Variants in SYNGR1 observed in about 807,000 individuals in gnomAD.
SYNGR1 encodes synaptogyrin 1.
In SYNGR1, 14 loss-of-function variants were observed where a neutral mutation model predicts 26.1. The observed-to-expected ratio is 0.54, with a 90% CI of 0.35 to 0.84. The LOEUF (loss-of-function observed/expected upper bound fraction) is 0.84. SYNGR1 is among the 40% of genes least tolerant of loss of function. The pLI, the probability that SYNGR1 is intolerant of heterozygous loss-of-function variation, is 0.01. For missense variants in SYNGR1, 319 were observed against 332.9 expected, an observed-to-expected ratio of 0.96 and a Z score of 0.33; for synonymous variants, 141 against 150.1, an observed-to-expected ratio of 0.94 and a Z score of 0.44.
At chr22:39,380,746 G>A (rs552730280) in intron 3 of SYNGR1, among the ~76,000 whole-genome samples, 1 of 148,092 alleles carries the variant, frequency 6.8e-6, no homozygotes, top group African/African-American at 2.5e-5. Flanking sequence ...TGCACCTCCC[G>A]AGTAGCTGGG....
intron 1 of SYNGR1, among the ~76,000 whole-genome samples, chr22:39,351,041 G>A (rs1923884412): frequency 6.6e-6 from 1 of 152,208 alleles, no homozygotes; most frequent in South Asian, 2.1e-4. Context: ...AGCACAGAGG[G>A]AGGGGTTCAG....
In SYNGR1 at chr22:39,376,956, C is replaced by A. The variant is rs1925310815; in HGVS notation, c.483+759C>A. 24 of 1,548,650 alleles carry A rather than the reference C, an allele frequency of 1.5e-5. No homozygotes were observed. In the South Asian group the frequency reaches 2.9e-4, roughly 18 times the overall value. Reference sequence around the variant, plus strand: ...CCCTGGGCTGGCAGCTCGGCTGGCCCCTCTTTCCCACTGGTCTGGGTCATG... The same window carrying A: ...CCCTGGGCTGGCAGCTCGGCTGGCCACTCTTTCCCACTGGTCTGGGTCATG... On this transcript the variant is annotated intron_variant, in intron 3 of 3. Transcript: ENST00000328933.
In SYNGR1 at chr22:39,384,278, C is replaced by T. The variant is rs1469689573; in HGVS notation, c.*2364C>T. ...CAGCCAGCTGCTGGTGATCCTCAGCCGGAGGGCAGGGTACCAGGTAAGCTT... is the reference window on the plus strand; with the variant it reads ...CAGCCAGCTGCTGGTGATCCTCAGCTGGAGGGCAGGGTACCAGGTAAGCTT... On this transcript the variant is annotated 3_prime_UTR_variant, in exon 4 of 4. Transcript: ENST00000328933. 14 of 369,020 alleles carry T rather than the reference C, an allele frequency of 3.8e-5. No homozygotes were observed. The highest frequency in any genetic ancestry group is 4.8e-5 in the Non-Finnish European group (10 of 207,376). 22.9% of individuals were successfully genotyped at this position (369,020 alleles called of 1,614,324 possible).
At chr22:39,378,017 C>T (rs567383497) in intron 3 of SYNGR1, 18 of 1,203,892 alleles carry the variant, frequency 1.5e-5, no homozygotes, top group Middle Eastern at 3.7e-4. Context: ...AATGGACAGC[C>T]GTGGACAGTT....
intron 3 of SYNGR1, chr22:39,377,402 G>C: frequency 1.0e-6 from 1 of 985,434 alleles, no homozygotes; most frequent in Non-Finnish European, 1.2e-6. Context: ...CAGAGAAGGT[G>C]CCCCAGAAGT....
rs993453169 is a variant in SYNGR1 at position 39,385,258 on chromosome 22, G to A, written c.*3344G>A. 4 of 358,800 alleles carry A rather than the reference G, an allele frequency of 1.1e-5. No homozygotes were observed. Among genetic ancestry groups the A allele is most frequent in the Non-Finnish European group, 2.0e-5 (4 of 201,374 alleles). The allele number at this position is 358,800 out of a possible 1,614,324, so 22.2% of individuals were successfully genotyped here. A position where few individuals can be genotyped will look rare whatever the true frequency, so the allele number is the denominator to read the frequency against. On this transcript the variant is annotated 3_prime_UTR_variant, in exon 4 of 4. Coordinates refer to ENST00000328933, the MANE Select transcript of SYNGR1 (RefSeq NM_004711.5). ...CCTGACACTCCCCATGTCCTGGTGC[G>A]CACAGCCCTTGTCGGTGCCCCGGCC...
At chr22:39,365,898 A>G (rs1924728046) in intron 1 of SYNGR1, among the ~76,000 whole-genome samples, 1 of 147,254 alleles carries the variant, frequency 6.8e-6, no homozygotes, top group South Asian at 2.1e-4. Context: ...GGATTTCATC[A>G]TGTTGGTCAG....
chr22:39,361,998 G>A (rs1924495932), intron 1 of SYNGR1, among the ~76,000 whole-genome samples: 1 of 144,306 alleles, frequency 6.9e-6, no homozygotes, highest in Non-Finnish European at 1.5e-5. Flanking sequence ...CTGGGTCTTT[G>A]TTTCCTCCTT....
Position 39,373,550 on chromosome 22 carries a change from A to G in SYNGR1, c.100-766A>G, listed in dbSNP as rs866918472. On this transcript the variant is annotated intron_variant, in intron 1 of 3. Coordinates refer to ENST00000328933, the MANE Select transcript of SYNGR1 (RefSeq NM_004711.5). Reference sequence around the variant, plus strand: ...CAGGCTGGAGTGCAGTGGCATGATCACGGTTCACTACAACCTCCACCTCCT... The same window carrying G: ...CAGGCTGGAGTGCAGTGGCATGATCGCGGTTCACTACAACCTCCACCTCCT... 3.2e-4 allele frequency among the ~76,000 whole-genome samples: 49 copies of G among 151,912 alleles called. No homozygotes were observed. The Middle Eastern group carries it at 0.01, about 32-fold the overall frequency.
rs545758176 is a variant in SYNGR1 at position 39,351,197 on chromosome 22, G to T, written c.99+1088G>T. Among the ~76,000 whole-genome samples, 184 of 152,318 alleles carry T rather than the reference G, an allele frequency of 1.2e-3. 4 individuals carry two copies. In the South Asian group the frequency reaches 0.037, roughly 31 times the overall value. On this transcript the variant is annotated intron_variant, in intron 1 of 3. Transcript: ENST00000328933. ...CAGGCCTGGGGCCCGTTCCTTGTGGGCTTAGACTAGGAATGGGCTAGACTG... is the reference window on the plus strand; with the variant it reads ...CAGGCCTGGGGCCCGTTCCTTGTGGTCTTAGACTAGGAATGGGCTAGACTG...
intron 1 of SYNGR1, among the ~76,000 whole-genome samples, chr22:39,362,625 C>T (rs968177388): frequency 1.2e-4 from 18 of 152,292 alleles, no homozygotes; most frequent in Admixed American, 1.0e-3. Flanking sequence ...AAAGTGTGAC[C>T]GCTCCCTTCT....
At chr22:39,378,644 T>C (rs932345626) in intron 3 of SYNGR1, among the ~76,000 whole-genome samples, 2 of 152,136 alleles carry the variant, frequency 1.3e-5, no homozygotes, top group Non-Finnish European at 2.9e-5. Flanking sequence ...CCTGAGCACA[T>C]CGAGAGTGAG....
intron 1 of SYNGR1, among the ~76,000 whole-genome samples, chr22:39,372,878 C>G (rs1057322291): frequency 6.6e-6 from 1 of 152,092 alleles, no homozygotes; most frequent in Non-Finnish European, 1.5e-5. Context: ...TAAAGACCCT[C>G]AGTTCCTTGC....
At chr22:39,366,332 A>G (rs1416984007) in intron 1 of SYNGR1, among the ~76,000 whole-genome samples, 2 of 150,646 alleles carry the variant, frequency 1.3e-5, no homozygotes, top group African/African-American at 4.9e-5. Context: ...GTGTCTGCAG[A>G]TTCTGGTGGC....
Position 39,376,214 on chromosome 22 carries a change from C to T in SYNGR1, c.483+17C>T, listed in dbSNP as rs772545219. ...TTCACCTGGGTGAGTACAGCCACCG[C>T]GCACCAGCCCACACTCGTCCCCTTT... On this transcript the variant is annotated intron_variant, in intron 3 of 3. Coordinates refer to ENST00000328933, the MANE Select transcript of SYNGR1 (RefSeq NM_004711.5). 5.0e-6 allele frequency: 8 copies of T among 1,613,842 alleles called. No homozygotes were observed. The highest frequency in any genetic ancestry group is 1.3e-5 in the African/African-American group (1 of 75,046).
At position 39,382,024 on chromosome 22, in the gene SYNGR1, G is replaced by T. The variant is rs1248335777; in HGVS notation, c.*110G>T. ...CCAGCGCCTCATCAGCCTCTGCCTT[G>T]TCCCACTGAGGTCCAGGGTAGCTCG... is the stretch of plus-strand genomic sequence containing the variant. On this transcript the variant is annotated 3_prime_UTR_variant, in exon 4 of 4. Coordinates refer to ENST00000328933, the MANE Select transcript of SYNGR1 (RefSeq NM_004711.5). 6.3e-6 allele frequency: 8 copies of T among 1,260,480 alleles called. No individual in the cohort carries two copies. The highest frequency in any genetic ancestry group is 2.0e-5 in the Admixed American group (1 of 50,348). The allele number at this position is 1,260,480 out of a possible 1,614,324, so 78.1% of individuals were successfully genotyped here. A position where few individuals can be genotyped will look rare whatever the true frequency, so the allele number is the denominator to read the frequency against.
chr22:39,354,313 C>T (rs572374385), intron 1 of SYNGR1, among the ~76,000 whole-genome samples: 1 of 152,310 alleles, frequency 6.6e-6, no homozygotes, highest in Admixed American at 6.5e-5. Context: ...TTACAAATGA[C>T]AGAATTAAGG....
rs1235548285 is a variant in SYNGR1, at chr22:39,375,702, GTT to G, written c.338-348_338-347del. On this transcript the variant is annotated intron_variant, in intron 2 of 3. Transcript: ENST00000328933. ...GTCAGCGGTGTGGCTGGACATGGGG[GTT>G]TGGCAGAGGCTGCAGAAATGCGGCC... 6.8e-6 allele frequency: 4 copies of G among 588,946 alleles called. No individual in the cohort carries two copies. In the Admixed American group the frequency reaches 9.1e-5, roughly 13 times the overall value. The allele number at this position is 588,946 out of a possible 1,614,324, so 36.5% of individuals were successfully genotyped here.
rs111520547 is a variant in SYNGR1 at position 39,381,926 on chromosome 22, C to T, written c.*12C>T. On this transcript the variant is annotated 3_prime_UTR_variant, in exon 4 of 4. Transcript: ENST00000328933. ...CGCAGGGCTACTGAGCCACAGTGAC[C>T]GCCTGCCCCCGCCCCTCCCCATCTG... 154 of 1,584,032 alleles carry T rather than the reference C, an allele frequency of 9.7e-5. No homozygotes were observed. The highest frequency in any genetic ancestry group is 8.2e-4 in the African/African-American group (61 of 74,334).
Sources: gnomAD v4.1 joint callset for allele counts (sites outside exome capture counted in the v4.1 genomes callset) on GRCh38, gnomAD v4.1.1 for gene constraint, MANE v1.5 for transcripts, NCBI Gene and HGNC (gene_info 2026-07-23, HGNC 2026-07-21) for gene names.